ASCC3: variants seen among roughly 807,000 people sequenced by gnomAD.
The protein encoded by ASCC3 is ASC-1 complex subunit P200.
Under a neutral mutation model 256.3 loss-of-function variants are expected in ASCC3, and 158 were observed. That is an observed-to-expected ratio of 0.62 (90% CI 0.54 to 0.70). The LOEUF is 0.70. ASCC3 is among the 30% of genes least tolerant of loss of function. The probability of loss-of-function intolerance (pLI) is 0.00; values close to 1 mark genes in which losing one functional copy is unlikely to be tolerated. For synonymous variants in ASCC3, 948 were observed against 883.4 expected (o/e 1.07, Z -1.30); for missense variants, 2,259 against 2,626.0 (o/e 0.86, Z 3.05).
intron 36 of ASCC3, among the ~76,000 whole-genome samples, chr6:100,556,272 TAAAAATG>T (rs1293839400): frequency 6.6e-6 from 1 of 152,092 alleles, no homozygotes; most frequent in Admixed American, 6.6e-5. Flanking sequence ...TAAATAAATC[TAAAAATG>T]AAATATCAAA....
intron 8 of ASCC3, among the ~76,000 whole-genome samples, chr6:100,798,213 T>C (rs1213553656): frequency 2.6e-5 from 4 of 152,104 alleles, no homozygotes; most frequent in African/African-American, 7.2e-5. Context: ...AGAGCAAATG[T>C]GCCAAAATTT....
Position 100,589,803 on chromosome 6 carries a change from G to A in ASCC3, c.5416-35C>T, listed in dbSNP as rs576887472. The A allele has an allele frequency of 1.1e-5, 17 of 1,612,338 alleles. No individual in the cohort carries two copies. The African/African-American group carries it at 1.3e-4, about 13-fold the overall frequency. On this transcript the variant is annotated intron_variant, in intron 35 of 41. Transcript: ENST00000369162. ...AAGAATAACAAATGAAGAGTACGATGAAAGTACATATCTTTATAAAATTAA... is the reference window on the plus strand; with the variant it reads ...AAGAATAACAAATGAAGAGTACGATAAAAGTACATATCTTTATAAAATTAA...
intron 4 of ASCC3, among the ~76,000 whole-genome samples, chr6:100,811,048 A>AC (rs1562313598): frequency 6.6e-6 from 1 of 151,818 alleles, no homozygotes; most frequent in Admixed American, 6.6e-5. Flanking sequence ...GTCCATGTTT[A>AC]CCCCCCGCCC....
intron 30 of ASCC3, among the ~76,000 whole-genome samples, chr6:100,618,478 A>C (rs1047180622): frequency 2.6e-5 from 4 of 152,242 alleles, no homozygotes; most frequent in African/African-American, 9.6e-5. Flanking sequence ...TGGGCAAAAT[A>C]ACCACCTCTT....
At chr6:100,712,066 T>C (rs1320665302) in intron 13 of ASCC3, among the ~76,000 whole-genome samples, 1 of 152,088 alleles carries the variant, frequency 6.6e-6, no homozygotes, top group Non-Finnish European at 1.5e-5. Flanking sequence ...GCCATCAATA[T>C]GCAAAAAAAA....
At chr6:100,723,896 A>ATATATATT (rs1174713262) in intron 11 of ASCC3, among the ~76,000 whole-genome samples, 1 of 123,166 alleles carries the variant, frequency 8.1e-6, no homozygotes, top group Non-Finnish European at 1.8e-5. Context: ...ATATATATAT[A>ATATATATT]TTTATAATTA....
rs777601951 is a variant in ASCC3 at position 100,512,726 on chromosome 6, G to A, written c.6268C>T (p.His2090Tyr). ...CACTATACCTTGTGGAACCCAAAGT[G>A]GACTCTCTGCAAGCTCACTTGAAGC... is the stretch of plus-strand genomic sequence containing the variant. ...YVLQVSLQRV[H>Y]FGFHKGKPES... is the part of the protein sequence containing the mutation. Residue 2090 changes from histidine to tyrosine, a missense_variant, in exon 40 of 42, where the codon CAC becomes TAC. Physicochemically the swap from His to Tyr is moderately conservative, Grantham distance 83 (BLOSUM62 2). Transcript: ENST00000369162. 6.8e-6 allele frequency: 11 copies of A among 1,613,926 alleles called. No individual in the cohort carries two copies. The highest frequency in any genetic ancestry group is 9.3e-6 in the Non-Finnish European group (11 of 1,179,944).
At chr6:100,761,949 T>C (rs1057344507) in intron 10 of ASCC3, among the ~76,000 whole-genome samples, 2 of 152,148 alleles carry the variant, frequency 1.3e-5, no homozygotes, top group African/African-American at 4.8e-5. Context: ...ATCAATAGAC[T>C]ACATACCATA....
intron 4 of ASCC3, among the ~76,000 whole-genome samples, chr6:100,812,506 A>G (rs1484478508): frequency 2.0e-5 from 3 of 152,170 alleles, no homozygotes; most frequent in African/African-American, 7.2e-5. Context: ...AAAAAAAAAA[A>G]GAAAATTATG....
At chr6:100,652,598 T>C in intron 18 of ASCC3, 127 bp downstream of exon 18, 1 of 1,037,888 alleles carries the variant, frequency 9.6e-7, no homozygotes, top group Non-Finnish European at 1.4e-6. Flanking sequence ...GGGTATACTG[T>C]TGAATTCATA....
At chr6:100,805,022 C>A (rs1395987926) in intron 5 of ASCC3, among the ~76,000 whole-genome samples, 9 of 152,044 alleles carry the variant, frequency 5.9e-5, no homozygotes, top group African/African-American at 2.2e-4. Flanking sequence ...CAACAGTGGA[C>A]TGGATAACAA....
At chr6:100,571,800 T>C (rs187700732) in intron 36 of ASCC3, among the ~76,000 whole-genome samples, 59 of 152,294 alleles carry the variant, frequency 3.9e-4, no homozygotes, top group Non-Finnish European at 6.2e-4. Context: ...CCTTAGTGAA[T>C]TGACTAGATG....
intron 4 of ASCC3, among the ~76,000 whole-genome samples, chr6:100,827,629 A>G (rs778198926): frequency 5.9e-5 from 9 of 152,098 alleles, no homozygotes; most frequent in Non-Finnish European, 1.3e-4. Context: ...GTCTTTTTTT[A>G]TTTCAATAAA....
intron 14 of ASCC3, among the ~76,000 whole-genome samples, chr6:100,665,497 G>A (rs1776419438): frequency 6.6e-6 from 1 of 151,948 alleles, no homozygotes; most frequent in South Asian, 2.1e-4. Context: ...GGGTGAGGCA[G>A]GCAGATCACG....
At chr6:100,856,279 G>T (rs915724901) in intron 3 of ASCC3, 1 of 504,386 alleles carries the variant, frequency 2.0e-6, no homozygotes, top group Non-Finnish European at 2.6e-6. Context: ...GTATAAATAG[G>T]TAACACAAAT....
intron 5 of ASCC3, among the ~76,000 whole-genome samples, chr6:100,801,573 A>G (rs545591714): frequency 1.6e-4 from 25 of 152,230 alleles, no homozygotes; most frequent in Admixed American, 3.3e-4. Context: ...ACTCTCAATC[A>G]TAGGGAAAAC....
chr6:100,781,385 C>T lies in ASCC3; in HGVS notation c.1396-14040G>A, dbSNP rs946949289. ...TCGTGGTACACTTGTTTTTTTGTTTCGTTTTGTTTTGTTTTTAAGACAGAG... is the reference window on the plus strand; with the variant it reads ...TCGTGGTACACTTGTTTTTTTGTTTTGTTTTGTTTTGTTTTTAAGACAGAG... On this transcript the variant is annotated intron_variant, in intron 8 of 41. Coordinates refer to ENST00000369162, the MANE Select transcript of ASCC3 (RefSeq NM_006828.4). Among the ~76,000 whole-genome samples the T allele has an allele frequency of 2.0e-5, 3 of 151,762 alleles. No homozygotes were observed. The South Asian group carries it at 6.3e-4, about 32-fold the overall frequency.
rs767160772 is a variant in ASCC3, at chr6:100,863,912, C to T, written c.241+152G>A. 1.1e-5 allele frequency: 8 copies of T among 717,286 alleles called. No individual in the cohort carries two copies. The East Asian group carries it at 1.2e-4, about 11-fold the overall frequency. The allele number at this position is 717,286 out of a possible 1,614,324, so 44.4% of individuals were successfully genotyped here. ...TGCTGGGGTTACATGCATGAGCCAC[C>T]GCGCCTGGCCAGGACTGTCTTTCAT... On this transcript the variant is annotated intron_variant, in intron 3 of 41. Transcript: ENST00000369162.
chr6:100,539,260 A>C (rs1268879305), intron 37 of ASCC3, among the ~76,000 whole-genome samples: 1 of 152,200 alleles, frequency 6.6e-6, no homozygotes, highest in Non-Finnish European at 1.5e-5. Context: ...TCTTCAAGAA[A>C]TATCACTTGT....
Sources: gnomAD v4.1 joint callset for allele counts (sites outside exome capture counted in the v4.1 genomes callset) on GRCh38, gnomAD v4.1.1 for gene constraint, MANE v1.5 for transcripts, NCBI Gene and HGNC (gene_info 2026-07-23, HGNC 2026-07-21) for gene names.